Variants in EFHC1 observed in about 807,000 individuals in gnomAD.
EFHC1 encodes the protein EF-hand domain containing 1, also known as EF-hand domain-containing protein 1.
In EFHC1, 53 loss-of-function variants were observed where a neutral mutation model predicts 69.9. The observed-to-expected ratio is 0.76, with a 90% CI of 0.61 to 0.95. The LOEUF (loss-of-function observed/expected upper bound fraction) is 0.95. Ranked by LOEUF, EFHC1 falls within the 40% of genes least tolerant of loss-of-function variation. The pLI is 0.00. For synonymous variants in EFHC1, 256 were observed against 278.4 expected, an observed-to-expected ratio of 0.92 and a Z score of 0.80; for missense variants, 739 against 798.7, an observed-to-expected ratio of 0.93 and a Z score of 0.90.
At chr6:52,436,686 C>T (rs1021030391) in intron 2 of EFHC1, among the ~76,000 whole-genome samples, 4 of 152,094 alleles carry the variant, frequency 2.6e-5, no homozygotes, top group African/African-American at 7.2e-5. Context: ...CTGTCACCCA[C>T]GCTGGAGTGC....
At chr6:52,478,968 G>A (rs1765604462) in intron 7 of EFHC1, 69 bp from the exon 8 acceptor site, 3 of 1,442,878 alleles carry the variant, frequency 2.1e-6, no homozygotes, top group Non-Finnish European at 2.9e-6. Context: ...GGCCCCTATA[G>A]GCATTTAAGT....
At chr6:52,455,597 C>G (rs1020250661) in intron 5 of EFHC1, among the ~76,000 whole-genome samples, 3 of 151,050 alleles carry the variant, frequency 2.0e-5, no homozygotes, top group African/African-American at 7.3e-5. Context: ...GAGGTTGTGG[C>G]GAGCCAAGAT....
chr6:52,436,715 C>T (rs1764539852), intron 2 of EFHC1, among the ~76,000 whole-genome samples: 2 of 152,140 alleles, frequency 1.3e-5, no homozygotes. Context: ...TAACTCAGCT[C>T]ACTGCAGCCT....
chr6:52,453,164 A>G, intron 4 of EFHC1: 1 of 1,342,012 alleles, frequency 7.5e-7, no homozygotes, highest in Non-Finnish European at 9.8e-7. Context: ...CCTTAAAATG[A>G]GCTAATTTCA....
Position 52,495,366 on chromosome 6 carries a change from T to C in EFHC1, c.*3025T>C, listed in dbSNP as rs1379261564. On this transcript the variant is annotated 3_prime_UTR_variant, in exon 11 of 11. Coordinates refer to ENST00000371068, the MANE Select transcript of EFHC1 (RefSeq NM_018100.4). ...CAGACCCAAGGCACTCCAGCCCCTT[T>C]CAAGAAGCTTGCACTTTCTGATATT... The C allele has an allele frequency of 2.2e-6, 1 of 454,020 alleles. No homozygotes were observed. The highest frequency in any genetic ancestry group is 4.4e-6 in the Non-Finnish European group (1 of 226,812). 28.1% of individuals were successfully genotyped at this position (454,020 alleles called of 1,614,324 possible).
At position 52,475,707 on chromosome 6, in the gene EFHC1, G is replaced by T. The variant is rs558760418; in HGVS notation, c.1279-3330G>T. Among the ~76,000 whole-genome samples, 3 of 152,252 alleles carry T rather than the reference G, an allele frequency of 2.0e-5. No homozygotes were observed. In the South Asian group the frequency reaches 6.2e-4, roughly 32 times the overall value. ...ATGCACAAACTATATTTATATAGAA[G>T]AACATATGTTTAATTATTAATTCAT... On this transcript the variant is annotated intron_variant, in intron 7 of 10. Transcript: ENST00000371068.
chr6:52,464,357 A>G (rs1388046462), intron 5 of EFHC1, among the ~76,000 whole-genome samples: 1 of 152,224 alleles, frequency 6.6e-6, no homozygotes, highest in Non-Finnish European at 1.5e-5. Flanking sequence ...AAATGAAACC[A>G]TCATTTATAT....
rs549757770 is a variant in EFHC1 at position 52,494,956 on chromosome 6, T to G, written c.*2615T>G. 2.2e-6 allele frequency: 1 copy of G among 453,960 alleles called. No homozygotes were observed. The highest frequency in any genetic ancestry group is 6.9e-5 in the East Asian group (1 of 14,390). The allele number at this position is 453,960 out of a possible 1,614,324, so 28.1% of individuals were successfully genotyped here. On this transcript the variant is annotated 3_prime_UTR_variant, in exon 11 of 11. Transcript: ENST00000371068. The stretch of plus-strand genomic sequence containing the variant: ...ATCTAATCCACCATTGATTGGCACC[T>G]AGGTTGATTCCATGTCCTTTGCTCA...
intron 7 of EFHC1, among the ~76,000 whole-genome samples, chr6:52,475,976 T>A (rs1382459427): frequency 1.3e-5 from 2 of 151,656 alleles, no homozygotes; most frequent in Non-Finnish European, 2.9e-5. Context: ...TCTGAGGAGG[T>A]CATAGCAGAG....
intron 5 of EFHC1, among the ~76,000 whole-genome samples, 159 bp from the exon 6 acceptor site, chr6:52,464,736 C>T (rs535986813): frequency 1.3e-4 from 20 of 152,296 alleles, no homozygotes; most frequent in African/African-American, 4.6e-4. Context: ...AAATACACAG[C>T]CAAGTGTTCT....
intron 7 of EFHC1, among the ~76,000 whole-genome samples, chr6:52,469,996 G>T (rs1318991705): frequency 6.6e-6 from 1 of 152,096 alleles, no homozygotes; most frequent in Non-Finnish European, 1.5e-5. Flanking sequence ...GAGAGAAGTT[G>T]CTGATAGAAA....
intron 7 of EFHC1, among the ~76,000 whole-genome samples, chr6:52,478,129 C>T (rs1440853784): frequency 1.3e-5 from 2 of 152,120 alleles, no homozygotes; most frequent in Non-Finnish European, 2.9e-5. Context: ...TTTGTAGGGA[C>T]ATGGATGAAA....
At chr6:52,440,652 A>G (rs1249316841) in intron 3 of EFHC1, among the ~76,000 whole-genome samples, 1 of 152,080 alleles carries the variant, frequency 6.6e-6, no homozygotes, top group Admixed American at 6.6e-5. Flanking sequence ...TATATACCCA[A>G]TAATGAGATT....
intron 3 of EFHC1, among the ~76,000 whole-genome samples, chr6:52,442,969 C>A (rs1477319964): frequency 2.6e-5 from 4 of 152,156 alleles, no homozygotes; most frequent in Non-Finnish European, 5.9e-5. Context: ...TGTTTCCTGA[C>A]TTTTTAATGA....
chr6:52,423,687 T>C, intron 1 of EFHC1: 1 of 526,394 alleles, frequency 1.9e-6, no homozygotes, highest in South Asian at 2.9e-5. Context: ...TTTTTTTTAG[T>C]TTTTGTAGAG....
intron 5 of EFHC1, among the ~76,000 whole-genome samples, chr6:52,457,057 TATTAAATTCA>T (rs1334188981): frequency 6.6e-6 from 1 of 152,246 alleles, no homozygotes; most frequent in African/African-American, 2.4e-5. Context: ...GGGTGATTTT[TATTAAATTCA>T]ATTAAACAAG....
At chr6:52,454,366 A>G in intron 5 of EFHC1, 79 bp downstream of exon 5, 5 of 1,576,694 alleles carry the variant, frequency 3.2e-6, no homozygotes, top group Non-Finnish European at 4.4e-6. Flanking sequence ...AGTATGCAAA[A>G]TTCGTTTATA....
Position 52,434,429 on chromosome 6 carries a change from TCTC to T in EFHC1, c.286-3872_286-3870del, listed in dbSNP as rs1297229377. On this transcript the variant is annotated intron_variant, in intron 2 of 10. Transcript: ENST00000371068. ...CCAGCTCCAGGTAAGGTCAGAATCT[TCTC>T]CTGTAATCTAGACCTTCAGGTTCCT... 6.8e-4 allele frequency among the ~76,000 whole-genome samples: 104 copies of T among 152,302 alleles called. 1 individual carries two copies. The highest frequency in any genetic ancestry group is 5.9e-5 in the Non-Finnish European group (4 of 68,026).
chr6:52,425,966 A>G (rs762753140), intron 2 of EFHC1, among the ~76,000 whole-genome samples: 1 of 152,188 alleles, frequency 6.6e-6, no homozygotes, highest in African/African-American at 2.4e-5. Flanking sequence ...GCTCCTGTAT[A>G]ATTCCAGCAT....
Sources: gnomAD v4.1 joint callset for allele counts (sites outside exome capture counted in the v4.1 genomes callset) on GRCh38, gnomAD v4.1.1 for gene constraint, MANE v1.5 for transcripts, NCBI Gene and HGNC (gene_info 2026-07-23, HGNC 2026-07-21) for gene names.